ADAMTS7: variants seen among roughly 807,000 people sequenced by gnomAD.
ADAMTS7 encodes A disintegrin and metalloproteinase with thrombospondin motifs 7.
ADAMTS7 carries 89 observed loss-of-function variants against 172.6 expected under a neutral mutation model. That is an observed-to-expected ratio of 0.52 (90% CI 0.43 to 0.61). The LOEUF is 0.61. ADAMTS7 is among the 20% of genes least tolerant of loss of function. The pLI is 0.00. For missense variants in ADAMTS7, 1,973 were observed against 2,355.6 expected (o/e 0.84, Z 3.36); for synonymous variants, 885 against 978.4 (o/e 0.90, Z 1.78).
chr15:78,796,347 C>G (rs923855150), intron 4 of ADAMTS7, among the ~76,000 whole-genome samples: 1 of 152,150 alleles, frequency 6.6e-6, no homozygotes, highest in Admixed American at 6.5e-5. Context: ...TGCTCCCCCT[C>G]CTAGTGGCAT....
intron 1 of ADAMTS7, among the ~76,000 whole-genome samples, chr15:78,802,344 G>A (rs1046308986): frequency 2.4e-4 from 37 of 152,158 alleles, no homozygotes; most frequent in Non-Finnish European, 4.7e-4. Flanking sequence ...TGATTGTTAT[G>A]ATTATTATTA....
intron 14 of ADAMTS7, 39 bp downstream of exon 14, chr15:78,773,044 G>A: frequency 2.1e-6 from 3 of 1,450,938 alleles, no homozygotes; most frequent in Non-Finnish European, 1.9e-6. Context: ...GCCATCAGGT[G>A]AAGAGCATAC....
intron 3 of ADAMTS7, 91 bp from the exon 4 acceptor site, chr15:78,796,877 G>A (rs1487772051): frequency 1.9e-5 from 23 of 1,231,632 alleles, no homozygotes; most frequent in South Asian, 1.7e-4. Context: ...TCTCTCTGGG[G>A]CACTGGGAAC....
rs57427369 is a variant in ADAMTS7 at position 78,760,199 on chromosome 15, T to A, written c.4904-621A>T. Among the ~76,000 whole-genome samples, 554 of 152,012 alleles carry A rather than the reference T, an allele frequency of 3.6e-3. 4 individuals carry two copies. Among genetic ancestry groups the A allele is most frequent in the African/African-American group, 0.01 (416 of 41,500 alleles). On this transcript the variant is annotated intron_variant, in intron 23 of 23. Transcript: ENST00000388820. Reference sequence around the variant, plus strand: ...CGGAAACCAGAGACTGAGCCCAGCCTGCTGGGGAGGGAGGCCAGCTGCAGG... The same window carrying A: ...CGGAAACCAGAGACTGAGCCCAGCCAGCTGGGGAGGGAGGCCAGCTGCAGG...
rs745593012 is a variant in ADAMTS7 at position 78,763,855 on chromosome 15, C to A, written c.4594-10G>T. The A allele has an allele frequency of 5.7e-6, 9 of 1,580,778 alleles. No homozygotes were observed. The African/African-American group carries it at 1.2e-4, about 21-fold the overall frequency. ...CACAGGCCTCGGAGCACTGGGTGGGCAGGGAAGGAGTCAGGGCACAGCCAG... is the reference window on the plus strand; with the variant it reads ...CACAGGCCTCGGAGCACTGGGTGGGAAGGGAAGGAGTCAGGGCACAGCCAG... On this transcript the variant is annotated splice_polypyrimidine_tract_variant and intron_variant, in intron 21 of 23. Coordinates refer to ENST00000388820, the MANE Select transcript of ADAMTS7 (RefSeq NM_014272.5).
intron 4 of ADAMTS7, 70 bp downstream of exon 4, chr15:78,796,520 T>C (rs2055645173): frequency 6.5e-7 from 1 of 1,536,332 alleles, no homozygotes; most frequent in East Asian, 2.3e-5. Context: ...CTTCCTGCCC[T>C]GCACCCACTC....
chr15:78,765,964 G>A lies in ADAMTS7; in HGVS notation c.3947C>T (p.Ser1316Phe). 2 of 1,593,586 alleles carry A rather than the reference G, an allele frequency of 1.3e-6. No individual in the cohort carries two copies. Among genetic ancestry groups the A allele is most frequent in the Non-Finnish European group, 8.5e-7 (1 of 1,174,850 alleles). Reference sequence around the variant, plus strand: ...TGAGCCTGGTCCTGGGGTTGGGAAGGAGGGAGTCCCCGGCTCCAGGGAACT... The same window carrying A: ...TGAGCCTGGTCCTGGGGTTGGGAAGAAGGGAGTCCCCGGCTCCAGGGAACT... ...RDSSLEPGTPSFPTPGPGSWD... is the reference protein window; with the variant it reads ...RDSSLEPGTPFFPTPGPGSWD... Residue 1316 changes from serine to phenylalanine, a missense_variant, in exon 19 of 24, where the codon TCC becomes TTC. By Grantham distance (155) the Ser-to-Phe change is radical (BLOSUM62 -2). Transcript: ENST00000388820.
intron 8 of ADAMTS7, among the ~76,000 whole-genome samples, chr15:78,787,853 G>A (rs2141505934): frequency 6.6e-6 from 1 of 152,244 alleles, no homozygotes; most frequent in East Asian, 1.9e-4. Context: ...GCCTTGCTCA[G>A]GGTTCCGCCG....
chr15:78,811,190 C>CGGGGCTGCGGGGACT lies in ADAMTS7; in HGVS notation c.16_30dup (p.Ser6_Pro10dup). ...AGGAGGAGGGGGCGCAGCAAAGGCG[C>CGGGGCTGCGGGGACT]GGGGCTGCGGGGACTGGGGCCGCCG... is the stretch of plus-strand genomic sequence containing the variant. On this transcript the variant is annotated inframe_insertion, in exon 1 of 24. Transcript: ENST00000388820. The CGGGGCTGCGGGGACT allele has an allele frequency of 8.1e-7, 1 of 1,229,342 alleles. No individual in the cohort carries two copies. The highest frequency in any genetic ancestry group is 1.6e-5 in the African/African-American group (1 of 64,368). 76.2% of individuals were successfully genotyped at this position (1,229,342 alleles called of 1,614,324 possible).
At position 78,766,056 on chromosome 15, in the gene ADAMTS7, G is replaced by C; in HGVS notation, c.3855C>G (p.Pro1285=). Residue 1285 remains proline, a synonymous_variant, in exon 19 of 24, where the codon CCC becomes CCG. Coordinates refer to ENST00000388820, the MANE Select transcript of ADAMTS7 (RefSeq NM_014272.5). The stretch of plus-strand genomic sequence containing the variant: ...GAAGGAGAGAAGCCACCCCAACAGT[G>C]GGCCACAGTTCACTGTCCACAGGCC... The part of the protein sequence containing the change: ...GLGPVDSELW[P]TVGVASLLPP... 6.2e-7 allele frequency: 1 copy of C among 1,607,656 alleles called. No individual in the cohort carries two copies.
At chr15:78,775,350 C>T (rs971911291) in intron 11 of ADAMTS7, among the ~76,000 whole-genome samples, 6 of 152,192 alleles carry the variant, frequency 3.9e-5, no homozygotes, top group African/African-American at 1.4e-4. Context: ...GGGTCGCTGG[C>T]CCCCACCCAG....
chr15:78,768,560 C>G (rs1337183766), intron 16 of ADAMTS7, among the ~76,000 whole-genome samples: 1 of 152,106 alleles, frequency 6.6e-6, no homozygotes, highest in Non-Finnish European at 1.5e-5. Flanking sequence ...CTGGGCAGCT[C>G]ATTTGGCCTC....
Position 78,788,230 on chromosome 15 carries a change from C to T in ADAMTS7, c.1322+1G>A. On this transcript the variant is annotated splice_donor_variant, in intron 8 of 23. Coordinates refer to ENST00000388820, the MANE Select transcript of ADAMTS7 (RefSeq NM_014272.5). LOFTEE classifies it high-confidence loss of function. ...TAGGGGCCCAGGGCTGGGGGACTTA[C>T]TCAAGGAACCTGGTGATATACTGGC... is the stretch of plus-strand genomic sequence containing the variant. The T allele has an allele frequency of 4.3e-6, 7 of 1,613,560 alleles. No homozygotes were observed. Among genetic ancestry groups the T allele is most frequent in the Non-Finnish European group, 4.2e-6 (5 of 1,179,986 alleles).
intron 7 of ADAMTS7, among the ~76,000 whole-genome samples, chr15:78,788,672 G>A (rs1328529208): frequency 6.6e-6 from 1 of 152,234 alleles, no homozygotes. Flanking sequence ...GGCAAATCAG[G>A]TGGCACAGAT....
At chr15:78,786,041 T>A in intron 8 of ADAMTS7, among the ~76,000 whole-genome samples, 1 of 150,690 alleles carries the variant, frequency 6.6e-6, no homozygotes. Flanking sequence ...GTGATTCTCC[T>A]GCCTCAGCTT....
At chr15:78,787,883 C>T (rs1164243296) in intron 8 of ADAMTS7, among the ~76,000 whole-genome samples, 1 of 152,188 alleles carries the variant, frequency 6.6e-6, no homozygotes, top group Non-Finnish European at 1.5e-5. Context: ...AGCTCTCCCG[C>T]TCCTTTACCG....
At chr15:78,801,053 G>A (rs1474732615) in intron 1 of ADAMTS7, among the ~76,000 whole-genome samples, 2 of 152,184 alleles carry the variant, frequency 1.3e-5, no homozygotes, top group Non-Finnish European at 2.9e-5. Flanking sequence ...GATTGCTGCG[G>A]TAACTTCTTA....
intron 19 of ADAMTS7, chr15:78,765,017 C>A (rs1383065745): frequency 1.3e-5 from 4 of 310,868 alleles, no homozygotes; most frequent in Non-Finnish European, 2.4e-5. Context: ...TCTTGACCAG[C>A]CTCGTCGCTT....
At chr15:78,804,519 G>C (rs1347988588) in intron 1 of ADAMTS7, among the ~76,000 whole-genome samples, 1 of 152,154 alleles carries the variant, frequency 6.6e-6, no homozygotes, top group African/African-American at 2.4e-5. Flanking sequence ...ATCCCACCAG[G>C]GTTCCTTCTG....
Sources: allele counts gnomAD v4.1 joint callset (sites outside exome capture counted in the v4.1 genomes callset), GRCh38; gene constraint gnomAD v4.1.1; transcripts MANE v1.5; gene names NCBI Gene and HGNC (gene_info 2026-07-23, HGNC 2026-07-21).